TRMT11: variants seen among roughly 807,000 people sequenced by gnomAD.
The protein encoded by TRMT11 is tRNA (guanine(10)-N(2))-methyltransferase TRMT11.
In TRMT11, 53 loss-of-function variants were observed where a neutral mutation model predicts 62.8. The ratio of observed to expected loss-of-function variants is 0.84; its 90% confidence interval spans 0.68 to 1.06. TRMT11 has a LOEUF of 1.06. Among genes scored for constraint, TRMT11 ranks in the 50% least tolerant of loss-of-function variants. The pLI is 0.00. For missense variants in TRMT11, 556 were observed against 553.4 expected (o/e 1.00, Z -0.05); for synonymous variants, 188 against 190.3 (o/e 0.99, Z 0.10).
chr6:126,210,229 A>G, the TRMT11 span, among the ~76,000 whole-genome samples: 1 of 152,330 alleles, frequency 6.6e-6, no homozygotes, highest in East Asian at 1.9e-4. Context: ...AGAGAGATTC[A>G]AAGTGAGAGA....
intron 21 of TRMT11, among the ~76,000 whole-genome samples, chr6:126,165,881 C>T (rs1445076378): frequency 6.6e-6 from 1 of 152,158 alleles, no homozygotes; most frequent in Non-Finnish European, 1.5e-5. Flanking sequence ...GTGTGTTTTC[C>T]AAGTTGGTTC....
intron 3 of TRMT11, among the ~76,000 whole-genome samples, chr6:125,997,555 T>C (rs1791730893): frequency 6.6e-6 from 1 of 152,266 alleles, no homozygotes; most frequent in Non-Finnish European, 1.5e-5. Flanking sequence ...TTGTCCATGC[T>C]GGAGTGCGGT....
chr6:126,191,907 G>A (rs1419117546), intron 1 of TRMT11, among the ~76,000 whole-genome samples: 1 of 151,898 alleles, frequency 6.6e-6, no homozygotes, highest in South Asian at 2.1e-4. Context: ...TTTTTCCTCA[G>A]AATTGCTTTT....
At chr6:126,019,007 A>G (rs994165025) in intron 11 of TRMT11, among the ~76,000 whole-genome samples, 2 of 151,994 alleles carry the variant, frequency 1.3e-5, no homozygotes, top group Admixed American at 6.5e-5. Context: ...CAGCCTCCCA[A>G]GTAGCTGGGA....
chr6:126,219,027 C>T, the TRMT11 span, among the ~76,000 whole-genome samples: 2 of 152,098 alleles, frequency 1.3e-5, no homozygotes, highest in African/African-American at 4.8e-5. Flanking sequence ...TTATGCTTTC[C>T]CTCCCCAAAG....
At chr6:126,258,007 A>G in the TRMT11 span, 11 of 1,529,904 alleles carry the variant, frequency 7.2e-6, no homozygotes, top group East Asian at 1.8e-4. Flanking sequence ...GGTTTGTAAC[A>G]GTCAACCAGC....
At chr6:126,037,377 A>G (rs1775387480) in intron 12 of TRMT11, among the ~76,000 whole-genome samples, 3 of 152,146 alleles carry the variant, frequency 2.0e-5, no homozygotes, top group Admixed American at 6.6e-5. Context: ...CAAAATAACC[A>G]GCAAATGTTA....
rs145407407 is a variant in TRMT11 at position 126,189,583 on chromosome 6, A to C, written n.144-9216A>C. Among the ~76,000 whole-genome samples, 477 of 152,220 alleles carry C rather than the reference A, an allele frequency of 3.1e-3. 1 individual carries two copies. The highest frequency in any genetic ancestry group is 0.011 in the African/African-American group (441 of 41,530). ...CCCTTAGGGTTAAGGAAAATGGAGC[A>C]CCTCAGGTTCTGAGGTTTCAATTCC... On this transcript the variant is annotated intron_variant and non_coding_transcript_variant, in intron 1 of 3. Transcript: ENST00000444229.
At chr6:126,257,982 A>T in the TRMT11 span, 2 of 1,556,262 alleles carry the variant, frequency 1.3e-6, no homozygotes, top group Non-Finnish European at 1.8e-6. Flanking sequence ...CAGGTCAGGG[A>T]TGAAGGCCTC....
At chr6:126,020,431 C>A (rs1013067512) in intron 11 of TRMT11, among the ~76,000 whole-genome samples, 2 of 152,180 alleles carry the variant, frequency 1.3e-5, no homozygotes, top group Non-Finnish European at 2.9e-5. Context: ...CTGTCAGATG[C>A]CAGATTCTGA....
At chr6:126,059,411 G>A (rs1776466885) in intron 17 of TRMT11, among the ~76,000 whole-genome samples, 1 of 152,108 alleles carries the variant, frequency 6.6e-6, no homozygotes, top group South Asian at 2.1e-4. Flanking sequence ...GGCATTATTT[G>A]GCTAAAAGGA....
intron 1 of TRMT11, among the ~76,000 whole-genome samples, chr6:126,178,592 G>C (rs1346864929): frequency 6.6e-6 from 1 of 152,196 alleles, no homozygotes; most frequent in African/African-American, 2.4e-5. Flanking sequence ...TTCTATGCTA[G>C]ATACTTTCTG....
chr6:126,252,121 A>G, the TRMT11 span, among the ~76,000 whole-genome samples: 50 of 152,376 alleles, frequency 3.3e-4, 2 homozygotes, highest in East Asian at 5.8e-3. Flanking sequence ...TCAAGAATTC[A>G]GTAAGGTACG....
chr6:126,172,767 G>C (rs914226198), upstream of TRMT11, among the ~76,000 whole-genome samples: 8 of 152,276 alleles, frequency 5.3e-5, no homozygotes, highest in East Asian at 1.5e-3. Flanking sequence ...CAGTGGAGCT[G>C]TAACACTCAC....
intron 12 of TRMT11, among the ~76,000 whole-genome samples, chr6:126,029,324 G>A (rs1178140217): frequency 6.6e-6 from 1 of 152,028 alleles, no homozygotes; most frequent in Non-Finnish European, 1.5e-5. Flanking sequence ...TGCCACCAAG[G>A]TCAAGGTTAT....
At chr6:126,087,072 ATATC>A (rs1444198055) in intron 17 of TRMT11, among the ~76,000 whole-genome samples, 1 of 152,234 alleles carries the variant, frequency 6.6e-6, no homozygotes, top group African/African-American at 2.4e-5. Context: ...AAAAGAGTAA[ATATC>A]TAAGAGTTTC....
intron 16 of TRMT11, among the ~76,000 whole-genome samples, chr6:126,052,733 G>A (rs867637551): frequency 1.3e-5 from 2 of 152,176 alleles, no homozygotes; most frequent in Middle Eastern, 3.2e-3. Context: ...TAAGTCTACA[G>A]TCTTATCTTT....
chr6:126,222,642 A>G, the TRMT11 span, among the ~76,000 whole-genome samples: 1 of 152,036 alleles, frequency 6.6e-6, no homozygotes, highest in African/African-American at 2.4e-5. Context: ...TTATTAGTAT[A>G]TAGAAATGCT....
At chr6:126,112,538 A>G (rs1001110316) in intron 17 of TRMT11, among the ~76,000 whole-genome samples, 1 of 152,118 alleles carries the variant, frequency 6.6e-6, no homozygotes, top group African/African-American at 2.4e-5. Flanking sequence ...TACCTCCAAG[A>G]TATTTTGGCT....
Sources: allele counts gnomAD v4.1 joint callset (sites outside exome capture counted in the v4.1 genomes callset), GRCh38; gene constraint gnomAD v4.1.1; transcripts MANE v1.5; gene names NCBI Gene and HGNC (gene_info 2026-07-23, HGNC 2026-07-21).